Variants in EVX2 observed in about 807,000 individuals in gnomAD.
EVX2 encodes the protein homeobox even-skipped homolog protein 2.
In EVX2, 10 loss-of-function variants were observed where a neutral mutation model predicts 19.2. That is an observed-to-expected ratio of 0.52 (90% confidence interval 0.32 to 0.89). EVX2 has a LOEUF of 0.89. EVX2 is among the 40% of genes least tolerant of loss of function. The probability of loss-of-function intolerance (pLI) is 0.03; values close to 1 mark genes in which losing one functional copy is unlikely to be tolerated. For missense variants in EVX2, 710 were observed against 694.9 expected (o/e 1.02, Z -0.24); for synonymous variants, 354 against 328.4 (o/e 1.08, Z -0.84).
In EVX2 at chr2:176,080,361, G is replaced by T; in HGVS notation, c.1177C>A (p.His393Asn). ...GSAPCSCLSC[H>N]SSQSAAAAAA... Reference sequence around the variant, plus strand: ...GCTGCCGCCGCCGACTGACTGCTGTGGCAACTGAGGCACGAGCAGGGTGCA... The same window carrying T: ...GCTGCCGCCGCCGACTGACTGCTGTTGCAACTGAGGCACGAGCAGGGTGCA... The change falls in exon 3 of 3, where the codon CAC (histidine) becomes AAC (asparagine). Residue 393 changes from histidine to asparagine, a missense_variant. Transcript: ENST00000308618. The surrounding 1 kb of genome is among the most constrained non-coding windows in gnomAD (Gnocchi z 7.0). The T allele has an allele frequency of 8.1e-7, 1 of 1,240,002 alleles. No homozygotes were observed. The highest frequency in any genetic ancestry group is 2.0e-5 in the South Asian group (1 of 50,946). The allele number at this position is 1,240,002 out of a possible 1,614,324, so 76.8% of individuals were successfully genotyped here.
rs999020882 is a variant in EVX2 at position 176,081,942 on chromosome 2, G to A, written c.699+236C>T. Among the ~76,000 whole-genome samples, 9 of 152,186 alleles carry A rather than the reference G, an allele frequency of 5.9e-5. No homozygotes were observed. The South Asian group carries it at 6.2e-4, about 11-fold the overall frequency. On this transcript the variant is annotated intron_variant, in intron 2 of 2. Transcript: ENST00000308618. This position sits in a 1 kb window ranked among gnomAD's most constrained non-coding sequence, Gnocchi z 5.9. ...GCGTTGGGCACAATGGAGCAGGGGC[G>A]AGTGCTTTCAGCATTGGAGTCACCA...
rs1689154880 is a variant in EVX2, at chr2:176,082,058, C to A, written c.699+120G>T. 4.5e-6 allele frequency: 5 copies of A among 1,116,560 alleles called. No individual in the cohort carries two copies. The Middle Eastern group carries it at 6.3e-4, about 142-fold the overall frequency. 69.2% of individuals were successfully genotyped at this position (1,116,560 alleles called of 1,614,324 possible). ...AAGCCAATTCCTTTGGTGACTACCC[C>A]CCGCGGATTTCCAGACCCTTAGCTA... On this transcript the variant is annotated intron_variant, in intron 2 of 2. Coordinates refer to ENST00000308618, the MANE Select transcript of EVX2 (RefSeq NM_001080458.2). The surrounding 1 kb of genome is among the most constrained non-coding windows in gnomAD (Gnocchi z 5.2).
Position 176,080,647 on chromosome 2 carries a change from G to GGCCGCC in EVX2, c.885_890dup (p.Ala300_Ala301dup), listed in dbSNP as rs776936495. The GGCCGCC allele has an allele frequency of 3.2e-6, 5 of 1,562,456 alleles. No homozygotes were observed. Among genetic ancestry groups the GGCCGCC allele is most frequent in the Non-Finnish European group, 4.3e-6 (5 of 1,162,706 alleles). The stretch of plus-strand genomic sequence containing the variant: ...CCGCCGCGCCTGAGGCTGCAGCCGC[G>GGCCGCC]GCCGCCGCCGCCGTGACGCCCACGT... On this transcript the variant is annotated inframe_insertion, in exon 3 of 3. Coordinates refer to ENST00000308618, the MANE Select transcript of EVX2 (RefSeq NM_001080458.2). The surrounding 1 kb of genome is among the most constrained non-coding windows in gnomAD (Gnocchi z 7.0).
At position 176,083,657 on chromosome 2, in the gene EVX2, C is replaced by T; in HGVS notation, c.120G>A (p.Leu40=). ...NSAGNAVLEA[L]ENSQHPARLS... is the part of the protein sequence containing the mutation. ...GGCGAGCCGGGTGCTGCGAATTTTC[C>T]AGGGCCTCGAGCACAGCATTGCCAG... is the stretch of plus-strand genomic sequence containing the variant. The change falls in exon 1 of 3, where the codon CTG becomes CTA. Residue 40 remains leucine, a synonymous_variant. Transcript: ENST00000308618. The surrounding 1 kb of genome is among the most constrained non-coding windows in gnomAD (Gnocchi z 4.4). 5 of 1,614,178 alleles carry T rather than the reference C, an allele frequency of 3.1e-6. No homozygotes were observed. Among genetic ancestry groups the T allele is most frequent in the Non-Finnish European group, 4.2e-6 (5 of 1,180,042 alleles).
chr2:176,082,316 T>C lies in EVX2; in HGVS notation c.561A>G (p.Gln187=), dbSNP rs1689159409. The change falls in exon 2 of 3, where the codon CAA becomes CAG. Residue 187 remains glutamine (Q), a synonymous_variant. Coordinates refer to ENST00000308618, the MANE Select transcript of EVX2 (RefSeq NM_001080458.2). This position sits in a 1 kb window ranked among gnomAD's most constrained non-coding sequence, Gnocchi z 5.2. ...ALGGSGSGAD[Q]VRRYRTAFTR... is the part of the protein sequence containing the mutation. ...TGAACGCCGTACGGTAGCGCCGCACTTGATCCGCGCCAGAGCCGGAGCCAC... is the reference window on the plus strand; with the variant it reads ...TGAACGCCGTACGGTAGCGCCGCACCTGATCCGCGCCAGAGCCGGAGCCAC... 2 of 1,598,224 alleles carry C rather than the reference T, an allele frequency of 1.3e-6. No individual in the cohort carries two copies.
rs1391614074 is a variant in EVX2 at position 176,081,165 on chromosome 2, C to G, written c.700-327G>C. Among the ~76,000 whole-genome samples, 2 of 152,162 alleles carry G rather than the reference C, an allele frequency of 1.3e-5. No homozygotes were observed. The highest frequency in any genetic ancestry group is 1.3e-4 in the Admixed American group (2 of 15,288). ...TCTCCCTCCCGCCACCCACCAGTGC[C>G]GGTCTCGCTGAGCACCCGTCTCTCA... On this transcript the variant is annotated intron_variant, in intron 2 of 2. Transcript: ENST00000308618. This position sits in a 1 kb window ranked among gnomAD's most constrained non-coding sequence, Gnocchi z 5.9.
rs745419597 is a variant in EVX2 at position 176,080,139 on chromosome 2, C to G, written c.1399G>C (p.Asp467His). 1 of 1,549,838 alleles carries G rather than the reference C, an allele frequency of 6.5e-7. No individual in the cohort carries two copies. Among genetic ancestry groups the G allele is most frequent in the Non-Finnish European group, 8.7e-7 (1 of 1,152,618 alleles). Residue 467 changes from aspartate (D) to histidine (H), a missense_variant, in exon 3 of 3, where the codon GAC (aspartate) becomes CAC (histidine). Coordinates refer to ENST00000308618, the MANE Select transcript of EVX2 (RefSeq NM_001080458.2). This position sits in a 1 kb window ranked among gnomAD's most constrained non-coding sequence, Gnocchi z 7.0. ...VLSKTAVSPP[D>H]QRDEAPLTR ...GTGAGCGGAGCCTCGTCCCTCTGGTCCGGCGGGCTCACGGCCGTCTTACTA... is the reference window on the plus strand; with the variant it reads ...GTGAGCGGAGCCTCGTCCCTCTGGTGCGGCGGGCTCACGGCCGTCTTACTA...
At position 176,083,943 on chromosome 2, in the gene EVX2, C is replaced by G; in HGVS notation, c.-167G>C. 4.8e-6 allele frequency: 3 copies of G among 621,024 alleles called. No individual in the cohort carries two copies. Among genetic ancestry groups the G allele is most frequent in the Non-Finnish European group, 8.4e-6 (3 of 356,988 alleles). 38.5% of individuals were successfully genotyped at this position (621,024 alleles called of 1,614,324 possible). Reference sequence around the variant, plus strand: ...ATGCCAGAGCGAGGGAATGACTGGTCAAAATGACCCATACATCCTTCCGAT... The same window carrying G: ...ATGCCAGAGCGAGGGAATGACTGGTGAAAATGACCCATACATCCTTCCGAT... On this transcript the variant is annotated 5_prime_UTR_variant, in exon 1 of 3. An upstream open reading frame in the 5' UTR loses its in-frame stop. Coordinates refer to ENST00000308618, the MANE Select transcript of EVX2 (RefSeq NM_001080458.2). The surrounding 1 kb of genome is among the most constrained non-coding windows in gnomAD (Gnocchi z 4.4).
rs1349353815 is a variant in EVX2 at position 176,083,265 on chromosome 2, G to A, written c.427+85C>T. 1.4e-6 allele frequency: 2 copies of A among 1,414,776 alleles called. No homozygotes were observed. Among genetic ancestry groups the A allele is most frequent in the Admixed American group, 2.2e-5 (1 of 45,276 alleles). 87.6% of individuals were successfully genotyped at this position (1,414,776 alleles called of 1,614,324 possible). ...CTTGCCTGTGGAGGGTCTGAGAGGG[G>A]AAAAGGCACCGGGAAAGGCTGGCGG... is the stretch of plus-strand genomic sequence containing the variant. On this transcript the variant is annotated intron_variant, in intron 1 of 2. Coordinates refer to ENST00000308618, the MANE Select transcript of EVX2 (RefSeq NM_001080458.2). This position sits in a 1 kb window ranked among gnomAD's most constrained non-coding sequence, Gnocchi z 4.4.
chr2:176,077,831 GTTTAT>G lies in EVX2; in HGVS notation c.*2271_*2275del, dbSNP rs955339099. ...AGCTGATAAAGGGTACCATATTTTGGTTTATTTTATTTAGCCTTAAATTATATATT... is the reference window on the plus strand; with the variant it reads ...AGCTGATAAAGGGTACCATATTTTGGTTTATTTAGCCTTAAATTATATATT... On this transcript the variant is annotated 3_prime_UTR_variant, in exon 3 of 3. Coordinates refer to ENST00000308618, the MANE Select transcript of EVX2 (RefSeq NM_001080458.2). 4.0e-4 allele frequency: 61 copies of G among 152,060 alleles called. No homozygotes were observed. Among genetic ancestry groups the G allele is most frequent in the African/African-American group, 1.3e-3 (54 of 41,504 alleles). The allele number at this position is 152,060 out of a possible 1,614,324, so 9.4% of individuals were successfully genotyped here.
At position 176,080,144 on chromosome 2, in the gene EVX2, G is replaced by A. The variant is rs567024931; in HGVS notation, c.1394C>T (p.Pro465Leu). 3.2e-6 allele frequency: 5 copies of A among 1,549,274 alleles called. No individual in the cohort carries two copies. The highest frequency in any genetic ancestry group is 2.8e-5 in the African/African-American group (2 of 70,470). ...CGGAGCCTCGTCCCTCTGGTCCGGC[G>A]GGCTCACGGCCGTCTTACTAAGCAC... ...AAVLSKTAVS[P>L]PDQRDEAPLT... The change falls in exon 3 of 3, where the codon CCG (proline) becomes CTG (leucine). Residue 465 changes from proline (P) to leucine (L), a missense_variant. Coordinates refer to ENST00000308618, the MANE Select transcript of EVX2 (RefSeq NM_001080458.2). The surrounding 1 kb of genome is among the most constrained non-coding windows in gnomAD (Gnocchi z 7.0).
rs936045910 is a variant in EVX2 at position 176,081,008 on chromosome 2, A to G, written c.700-170T>C. Among the ~76,000 whole-genome samples, 1 of 152,118 alleles carries G rather than the reference A, an allele frequency of 6.6e-6. No individual in the cohort carries two copies. Among genetic ancestry groups the G allele is most frequent in the African/African-American group, 2.4e-5 (1 of 41,412 alleles). On this transcript the variant is annotated intron_variant, in intron 2 of 2. Coordinates refer to ENST00000308618, the MANE Select transcript of EVX2 (RefSeq NM_001080458.2). This position sits in a 1 kb window ranked among gnomAD's most constrained non-coding sequence, Gnocchi z 5.9. ...TCCCAGCTGGGAAAGTGTGGACGGC[A>G]GTGTGTGGACCGCCGTGGGCACACC...
In EVX2 at chr2:176,077,646, A is replaced by G. The variant is rs891535877; in HGVS notation, c.*2461T>C. ...TATTTCAATATAATAACCAGATCCA[A>G]TGGACCCAACAAATGATGAATTTAT... On this transcript the variant is annotated 3_prime_UTR_variant, in exon 3 of 3. Coordinates refer to ENST00000308618, the MANE Select transcript of EVX2 (RefSeq NM_001080458.2). 1 of 152,196 alleles carries G rather than the reference A, an allele frequency of 6.6e-6. No individual in the cohort carries two copies. Among genetic ancestry groups the G allele is most frequent in the Non-Finnish European group, 1.5e-5 (1 of 68,006 alleles). 9.4% of individuals were successfully genotyped at this position (152,196 alleles called of 1,614,324 possible). A position where few individuals can be genotyped will look rare whatever the true frequency, so the allele number is the denominator to read the frequency against.
Position 176,080,617 on chromosome 2 carries a change from CGCGGCCGCCGCGCCTGAGGCT to C in EVX2, c.900_920del (p.Gly303_Ser309del), listed in dbSNP as rs1480803901. The C allele has an allele frequency of 2.6e-6, 4 of 1,521,264 alleles. No individual in the cohort carries two copies. Among genetic ancestry groups the C allele is most frequent in the African/African-American group, 2.8e-5 (2 of 71,100 alleles). 94.2% of individuals were successfully genotyped at this position (1,521,264 alleles called of 1,614,324 possible). ...TGGAAGTAGCGAAGGGCGACGAAGC[CGCGGCCGCCGCGCCTGAGGCT>C]GCAGCCGCGGCCGCCGCCGCCGTGA... On this transcript the variant is annotated inframe_deletion, in exon 3 of 3. Coordinates refer to ENST00000308618, the MANE Select transcript of EVX2 (RefSeq NM_001080458.2). The surrounding 1 kb of genome is among the most constrained non-coding windows in gnomAD (Gnocchi z 7.0).
At position 176,082,101 on chromosome 2, in the gene EVX2, A is replaced by G. The variant is rs73029924; in HGVS notation, c.699+77T>C. The G allele has an allele frequency of 7.2e-3, 10,189 of 1,423,852 alleles. 626 individuals carry two copies. The African/African-American group carries it at 0.13, about 18-fold the overall frequency. 88.2% of individuals were successfully genotyped at this position (1,423,852 alleles called of 1,614,324 possible). On this transcript the variant is annotated intron_variant, in intron 2 of 2. Coordinates refer to ENST00000308618, the MANE Select transcript of EVX2 (RefSeq NM_001080458.2). This position sits in a 1 kb window ranked among gnomAD's most constrained non-coding sequence, Gnocchi z 5.2. Reference sequence around the variant, plus strand: ...CTTAGCTAAATCTAGCCACCCAGAAAGGGGAAAGGGGAAAAAGAAACAATC... The same window carrying G: ...CTTAGCTAAATCTAGCCACCCAGAAGGGGGAAAGGGGAAAAAGAAACAATC...
In EVX2 at chr2:176,081,861, CT is replaced by C. The variant is rs1689150306; in HGVS notation, c.699+316del. On this transcript the variant is annotated intron_variant, in intron 2 of 2. Coordinates refer to ENST00000308618, the MANE Select transcript of EVX2 (RefSeq NM_001080458.2). This position sits in a 1 kb window ranked among gnomAD's most constrained non-coding sequence, Gnocchi z 5.9. ...GCTTGAGGAACAAAGACCAACTGGG[CT>C]TGCCGCCTAGGGGAAAGTGGGGCCG... Among the ~76,000 whole-genome samples the C allele has an allele frequency of 2.0e-5, 3 of 152,318 alleles. No homozygotes were observed. In the South Asian group the frequency reaches 6.2e-4, roughly 32 times the overall value.
At position 176,082,683 on chromosome 2, in the gene EVX2, T is replaced by G. The variant is rs77530638; in HGVS notation, c.428-234A>C. Among the ~76,000 whole-genome samples the G allele has an allele frequency of 0.021, 3,161 of 152,270 alleles. 110 individuals are homozygous for G. Among genetic ancestry groups the G allele is most frequent in the African/African-American group, 0.072 (3,012 of 41,556 alleles). On this transcript the variant is annotated intron_variant, in intron 1 of 2. Transcript: ENST00000308618. This position sits in a 1 kb window ranked among gnomAD's most constrained non-coding sequence, Gnocchi z 5.2. ...GATTTCTTTTTTAATAATTAGAAAT[T>G]TTCAACCAAGGAGGAAAAGTGGCCG...
At position 176,080,284 on chromosome 2, in the gene EVX2, G is replaced by A. The variant is rs1868101; in HGVS notation, c.1254C>T (p.Gly418=). The A allele has an allele frequency of 0.21, 263,041 of 1,278,144 alleles. 34,052 individuals are homozygous for A. Among genetic ancestry groups the A allele is most frequent in the South Asian group, 0.56 (28,116 of 50,150 alleles). The allele number at this position is 1,278,144 out of a possible 1,614,324, so 79.2% of individuals were successfully genotyped here. A position where few individuals can be genotyped will look rare whatever the true frequency, so the allele number is the denominator to read the frequency against. Residue 418 remains glycine (G), a synonymous_variant, in exon 3 of 3, where the codon GGC becomes GGT. Transcript: ENST00000308618. This position sits in a 1 kb window ranked among gnomAD's most constrained non-coding sequence, Gnocchi z 7.0. ...CGCCGCCGCCGCCACCACCACCACCGCCGCCGCCACCGCCACCCCGGGAAC... is the reference window on the plus strand; with the variant it reads ...CGCCGCCGCCGCCACCACCACCACCACCGCCGCCACCGCCACCCCGGGAAC... The part of the protein sequence containing the change: ...ALGSRGGGGG[G]GGGGGGGGGG...
rs1689130767 is a variant in EVX2, at chr2:176,080,569, G to C, written c.969C>G (p.Arg323=). 6.5e-7 allele frequency: 1 copy of C among 1,531,306 alleles called. No homozygotes were observed. The highest frequency in any genetic ancestry group is 1.3e-5 in the South Asian group (1 of 79,758). The allele number at this position is 1,531,306 out of a possible 1,614,324, so 94.9% of individuals were successfully genotyped here. Residue 323 remains arginine (R), a synonymous_variant, in exon 3 of 3, where the codon CGC becomes CGG. Transcript: ENST00000308618. This position sits in a 1 kb window ranked among gnomAD's most constrained non-coding sequence, Gnocchi z 7.0. ...ATSIRPLDTF[R]ALSHPYSRPE... ...GCCGAGAGTAGGGGTGCGAGAGGGC[G>C]CGGAAGGTGTCCAGTGGCCGGATGG...
Sources: gnomAD v4.1 joint callset for allele counts (sites outside exome capture counted in the v4.1 genomes callset) on GRCh38, gnomAD v4.1.1 for gene constraint, Gnocchi (gnomAD v3.1) non-coding constraint, MANE v1.5 for transcripts, NCBI Gene and HGNC (gene_info 2026-07-23, HGNC 2026-07-21) for gene names.